The following RUNX2 variants were observed in gnomAD, a reference collection of about 807,000 sequenced individuals.
RUNX2 encodes runt-related transcription factor 2.
A neutral mutation model predicts 51.7 loss-of-function variants in RUNX2; 10 were observed. The observed-to-expected ratio is 0.19, with a 90% CI of 0.12 to 0.33. The LOEUF is 0.33. Ranked by LOEUF, RUNX2 falls within the 10% of genes least tolerant of loss-of-function variation. RUNX2 has a pLI of 1.00. For missense variants in RUNX2, 562 were observed against 691.3 expected (o/e 0.81, Z 2.10); for synonymous variants, 276 against 273.6 (o/e 1.01, Z -0.09).
At chr6:45,436,237 T>C (rs1798680834) in intron 4 of RUNX2, among the ~76,000 whole-genome samples, 1 of 152,148 alleles carries the variant, frequency 6.6e-6, no homozygotes, top group Admixed American at 6.5e-5. Context: ...AAATTACTTA[T>C]TAATTTTTTT....
At chr6:45,331,706 A>G (rs777450776) in intron 2 of RUNX2, among the ~76,000 whole-genome samples, 3 of 152,006 alleles carry the variant, frequency 2.0e-5, no homozygotes, top group Non-Finnish European at 4.4e-5. Flanking sequence ...GAAATTGTGG[A>G]AAAAGATCTG....
At chr6:45,399,997 G>A (rs562166027) in intron 2 of RUNX2, among the ~76,000 whole-genome samples, 74 of 146,050 alleles carry the variant, frequency 5.1e-4, no homozygotes, top group African/African-American at 1.7e-3. Flanking sequence ...AAGGAGGGAG[G>A]GAGGGAAGAA....
At chr6:45,436,991 T>C in intron 4 of RUNX2, among the ~76,000 whole-genome samples, 1 of 152,216 alleles carries the variant, frequency 6.6e-6, no homozygotes, top group East Asian at 1.9e-4. Context: ...TCCTGTCTTG[T>C]AACAGTTTGC....
intron 5 of RUNX2, among the ~76,000 whole-genome samples, chr6:45,479,533 C>G (rs1056505149): frequency 3.3e-5 from 5 of 152,012 alleles, no homozygotes; most frequent in Non-Finnish European, 5.9e-5. Context: ...CTGGATTATT[C>G]CTCTCTGTAC....
intron 2 of RUNX2, among the ~76,000 whole-genome samples, chr6:45,420,030 T>A (rs1331663315): frequency 6.6e-6 from 1 of 151,432 alleles, no homozygotes; most frequent in South Asian, 2.1e-4. Context: ...CGTGGAGCAG[T>A]GCATGGAGGA....
chr6:45,531,554 A>T (rs975712665), intron 7 of RUNX2, among the ~76,000 whole-genome samples: 2 of 152,172 alleles, frequency 1.3e-5, no homozygotes, highest in Non-Finnish European at 2.9e-5. Flanking sequence ...AGAGATCGAG[A>T]CCATCCTGGC....
chr6:45,444,486 G>A (rs955889322), intron 5 of RUNX2, among the ~76,000 whole-genome samples: 7 of 152,172 alleles, frequency 4.6e-5, no homozygotes, highest in African/African-American at 1.7e-4. Flanking sequence ...GTCTTTGTGT[G>A]TAGCTTCAGT....
chr6:45,456,267 A>G (rs566289308), intron 5 of RUNX2, among the ~76,000 whole-genome samples: 1 of 152,168 alleles, frequency 6.6e-6, no homozygotes, highest in South Asian at 2.1e-4. Flanking sequence ...ACATTTTTGC[A>G]TTTTCTAAAC....
At chr6:45,514,495 C>T (rs1801259585) in intron 7 of RUNX2, among the ~76,000 whole-genome samples, 1 of 152,158 alleles carries the variant, frequency 6.6e-6, no homozygotes, top group South Asian at 2.1e-4. Context: ...TTTCCTCCAA[C>T]CCTTAACATT....
At chr6:45,413,503 T>C (rs976116182) in intron 2 of RUNX2, among the ~76,000 whole-genome samples, 3 of 135,886 alleles carry the variant, frequency 2.2e-5, no homozygotes, top group African/African-American at 8.2e-5. Flanking sequence ...TGATCTTGGC[T>C]CACTGCAACA....
chr6:45,548,545 A>C lies in RUNX2; in HGVS notation c.*1240A>C, dbSNP rs919560320. On this transcript the variant is annotated 3_prime_UTR_variant, in exon 9 of 9. Coordinates refer to ENST00000647337, the MANE Select transcript of RUNX2 (RefSeq NM_001024630.4). Reference sequence around the variant, plus strand: ...CAACCTTTAGCCCTTTATCAGCATGAAATGCTGGAGTGATGTGGTTTTCTA... The same window carrying C: ...CAACCTTTAGCCCTTTATCAGCATGCAATGCTGGAGTGATGTGGTTTTCTA... 1 of 152,706 alleles carries C rather than the reference A, an allele frequency of 6.5e-6. No homozygotes were observed. Among genetic ancestry groups the C allele is most frequent in the African/African-American group, 2.4e-5 (1 of 41,478 alleles). The allele number at this position is 152,706 out of a possible 1,614,324, so 9.5% of individuals were successfully genotyped here. A position where few individuals can be genotyped will look rare whatever the true frequency, so the allele number is the denominator to read the frequency against.
intron 2 of RUNX2, among the ~76,000 whole-genome samples, chr6:45,339,801 A>G (rs1157711189): frequency 2.0e-5 from 3 of 152,338 alleles, no homozygotes; most frequent in Middle Eastern, 3.4e-3. Context: ...TGAAAAATCA[A>G]TGTAACTAAC....
chr6:45,522,445 C>A (rs6458444), intron 7 of RUNX2, among the ~76,000 whole-genome samples: 44,162 of 139,918 alleles, frequency 0.32, 6,871 homozygotes, highest in African/African-American at 0.5. Context: ...TAAAAAAAAA[C>A]AACAATCCCA....
At chr6:45,346,005 A>T (rs1790780677) in intron 2 of RUNX2, among the ~76,000 whole-genome samples, 1 of 152,030 alleles carries the variant, frequency 6.6e-6, no homozygotes, top group African/African-American at 2.4e-5. Context: ...CCTACCTACA[A>T]ATCTCTACAG....
At chr6:45,524,404 G>A (rs532167555) in intron 7 of RUNX2, among the ~76,000 whole-genome samples, 5 of 152,226 alleles carry the variant, frequency 3.3e-5, no homozygotes, top group Admixed American at 2.0e-4. Context: ...ACTATGCAGC[G>A]AAGCATGGGA....
intron 4 of RUNX2, among the ~76,000 whole-genome samples, chr6:45,436,591 A>G (rs1335867622): frequency 6.6e-6 from 1 of 152,162 alleles, no homozygotes; most frequent in Admixed American, 6.5e-5. Context: ...AGAAAAGTAT[A>G]GCCAAGGAGA....
Position 45,512,340 on chromosome 6 carries a change from C to A in RUNX2, c.954C>A (p.Thr318=). 2 of 1,614,146 alleles carry A rather than the reference C, an allele frequency of 1.2e-6. No individual in the cohort carries two copies. Among genetic ancestry groups the A allele is most frequent in the Non-Finnish European group, 1.7e-6 (2 of 1,180,020 alleles). Residue 318 remains threonine (T), a synonymous_variant, in exon 7 of 9, where the codon ACC becomes ACA. Coordinates refer to ENST00000647337, the MANE Select transcript of RUNX2 (RefSeq NM_001024630.4). ...TGACGTCCCCGTCCATCCACTCTAC[C>A]ACCCCGCTGTCTTCCACACGGGGCA... ...SQMTSPSIHS[T]TPLSSTRGTG... is the part of the protein sequence containing the mutation.
At chr6:45,423,306 T>G (rs1031809788) in intron 3 of RUNX2, among the ~76,000 whole-genome samples, 7 of 152,082 alleles carry the variant, frequency 4.6e-5, no homozygotes, top group Non-Finnish European at 8.8e-5. Context: ...GTACCCACTC[T>G]TGCACTGCGA....
intron 5 of RUNX2, among the ~76,000 whole-genome samples, chr6:45,448,670 T>C (rs1402562519): frequency 6.6e-6 from 1 of 152,156 alleles, no homozygotes; most frequent in Non-Finnish European, 1.5e-5. Context: ...AGAATGCATA[T>C]GCACCCTCCA....
Sources: allele counts gnomAD v4.1 joint callset (sites outside exome capture counted in the v4.1 genomes callset), GRCh38; gene constraint gnomAD v4.1.1; transcripts MANE v1.5; gene names NCBI Gene and HGNC (gene_info 2026-07-23, HGNC 2026-07-21).